POSTN: variants seen among roughly 807,000 people sequenced by gnomAD.
POSTN encodes osteoblast specific factor 2 (fasciclin I-like).
Under a neutral mutation model 104.5 loss-of-function variants are expected in POSTN, and 71 were observed. The ratio of observed to expected loss-of-function variants is 0.68; its 90% CI spans 0.56 to 0.83. The LOEUF (loss-of-function observed/expected upper bound fraction) is 0.83, where lower values mean the gene tolerates loss of function less well. Ranked by LOEUF, POSTN falls within the 40% of genes least tolerant of loss-of-function variation. The pLI is 0.00. For missense variants in POSTN, 949 were observed against 1,006.8 expected (o/e 0.94, Z 0.78); for synonymous variants, 355 against 340.7 (o/e 1.04, Z -0.46).
intron 5 of POSTN, among the ~76,000 whole-genome samples, 199 bp downstream of exon 5, chr13:37,587,623 T>C (rs893970585): frequency 6.6e-6 from 1 of 152,194 alleles, no homozygotes; most frequent in African/African-American, 2.4e-5. Flanking sequence ...ATGTAATTTG[T>C]CCTTTACAAT....
chr13:37,579,222 AAC>A lies in POSTN; in HGVS notation c.1791+5_1791+6del. On this transcript the variant is annotated splice_donor_5th_base_variant and intron_variant, in intron 13 of 22. Transcript: ENST00000379747. ...ACACTATCATAAATTCATTCTAGAC[AAC>A]TTACTTCTTTCAGAAAGATTTTGCT... 6.2e-7 allele frequency: 1 copy of A among 1,610,234 alleles called. No individual in the cohort carries two copies.
intron 2 of POSTN, among the ~76,000 whole-genome samples, chr13:37,596,919 T>C (rs1951101664): frequency 6.6e-6 from 1 of 152,192 alleles, no homozygotes; most frequent in African/African-American, 2.4e-5. Context: ...ACACGGATTC[T>C]ATACCCAATC....
chr13:37,565,636 A>C (rs1950075615), intron 21 of POSTN: 1 of 152,082 alleles, frequency 6.6e-6, no homozygotes, highest in Non-Finnish European at 1.5e-5. Flanking sequence ...GCACATTTTC[A>C]CATTTCTTTC....
At chr13:37,572,376 G>A (rs1373547435) in intron 17 of POSTN, among the ~76,000 whole-genome samples, 3 of 151,536 alleles carry the variant, frequency 2.0e-5, no homozygotes, top group East Asian at 1.9e-4. Context: ...TAAAAGTAAA[G>A]TTTTTTGAAA....
intron 2 of POSTN, among the ~76,000 whole-genome samples, chr13:37,596,101 C>T (rs1214199684): frequency 6.6e-6 from 1 of 152,060 alleles, no homozygotes; most frequent in Non-Finnish European, 1.5e-5. Context: ...CCACTCCTGG[C>T]CCATGTTTAG....
intron 4 of POSTN, 135 bp from the exon 5 acceptor site, chr13:37,588,121 C>A: frequency 1.4e-6 from 1 of 715,058 alleles, no homozygotes; most frequent in East Asian, 2.9e-5. Context: ...ACATAAATAA[C>A]TTAAAATTAT....
chr13:37,592,391 C>CG (rs1950963393), intron 2 of POSTN, among the ~76,000 whole-genome samples: 1 of 152,074 alleles, frequency 6.6e-6, no homozygotes, highest in Non-Finnish European at 1.5e-5. Context: ...CTCCGCCTCT[C>CG]GGGTTCACGC....
At chr13:37,564,459 A>G in intron 22 of POSTN, 60 bp downstream of exon 22, 1 of 881,970 alleles carries the variant, frequency 1.1e-6, no homozygotes, top group East Asian at 2.7e-5. Flanking sequence ...CTATTGTTTG[A>G]TTTCTCTTCA....
chr13:37,579,542 A>G (rs1049049690), intron 12 of POSTN, among the ~76,000 whole-genome samples, 183 bp from the exon 13 acceptor site: 2 of 152,252 alleles, frequency 1.3e-5, no homozygotes, highest in Admixed American at 1.3e-4. Context: ...TAATCAAAAT[A>G]GAACCCAACT....
chr13:37,579,111 G>T lies in POSTN; in HGVS notation c.1802C>A (p.Thr601Lys). 6.2e-7 allele frequency: 1 copy of T among 1,612,440 alleles called. No homozygotes were observed. Residue 601 changes from threonine (T) to lysine (K), a missense_variant, in exon 14 of 23, where the codon ACA (threonine) becomes AAA (lysine). By Grantham distance (78) the Thr-to-Lys change is moderately conservative. Transcript: ENST00000379747. ...TGATTTCAATTCATTCACCAGAAGTGTATCATTTACCTATCAAAATAGGAG... is the reference window on the plus strand; with the variant it reads ...TGATTTCAATTCATTCACCAGAAGTTTATCATTTACCTATCAAAATAGGAG... ...SKIFLKEVND[T>K]LLVNELKSKE...
At chr13:37,580,721 G>A in intron 10 of POSTN, 24 bp from the exon 11 acceptor site, 1 of 1,613,230 alleles carries the variant, frequency 6.2e-7, no homozygotes, top group Non-Finnish European at 8.5e-7. Context: ...GAAAGGTATG[G>A]GGTGTCATTT....
Position 37,570,592 on chromosome 13 carries a change from G to GTTC in POSTN, c.2254_2256dup (p.Glu752dup), listed in dbSNP as rs1950235476. On this transcript the variant is annotated inframe_insertion, in exon 19 of 23. Coordinates refer to ENST00000379747, the MANE Select transcript of POSTN (RefSeq NM_006475.3). ...AATTAATGGCTACCTGTAATGATTCGTTCTTCTCGTGTCTCTTTTTCAGTT... is the reference window on the plus strand; with the variant it reads ...AATTAATGGCTACCTGTAATGATTCGTTCTTCTTCTCGTGTCTCTTTTTCAGTT... The GTTC allele has an allele frequency of 6.3e-7, 1 of 1,597,038 alleles. No individual in the cohort carries two copies. Among genetic ancestry groups the GTTC allele is most frequent in the Admixed American group, 1.7e-5 (1 of 59,872 alleles).
chr13:37,584,923 T>C lies in POSTN; in HGVS notation c.901A>G (p.Met301Val). Residue 301 changes from methionine (M) to valine (V), a missense_variant, in exon 8 of 23, where the codon ATG becomes GTG. Coordinates refer to ENST00000379747, the MANE Select transcript of POSTN (RefSeq NM_006475.3). ...MGDKVASEAL[M>V]KYHILNTLQC... Reference sequence around the variant, plus strand: ...AGAGTATTTAAGATGTGGTACTTCATAAGAGCTGGAGAACACAATAAAAAC... The same window carrying C: ...AGAGTATTTAAGATGTGGTACTTCACAAGAGCTGGAGAACACAATAAAAAC... The C allele has an allele frequency of 6.2e-7, 1 of 1,613,610 alleles. No individual in the cohort carries two copies. Among genetic ancestry groups the C allele is most frequent in the Non-Finnish European group, 8.5e-7 (1 of 1,179,862 alleles).
intron 19 of POSTN, among the ~76,000 whole-genome samples, chr13:37,570,100 C>T (rs115714760): frequency 2.6e-5 from 4 of 151,796 alleles, no homozygotes; most frequent in Admixed American, 2.0e-4. Flanking sequence ...TAAGGATTTT[C>T]GGCGAATTTT....
intron 2 of POSTN, among the ~76,000 whole-genome samples, chr13:37,596,105 T>C (rs1276603230): frequency 6.6e-6 from 1 of 152,128 alleles, no homozygotes; most frequent in Admixed American, 6.5e-5. Context: ...TCCTGGCCCA[T>C]GTTTAGGATT....
rs748096412 is a variant in POSTN, at chr13:37,571,409, C to T, written c.2139G>A (p.Leu713=). ...VKIEGEPEFR[L]IKEGETITEV... The stretch of plus-strand genomic sequence containing the variant: ...CAGTTATTGTTTCACCTTCTTTAAT[C>T]AGTCTGAATTCAGGTTCACCTTCAA... The change falls in exon 18 of 23, where the codon CTG becomes CTA. Residue 713 remains leucine (L), a synonymous_variant. Transcript: ENST00000379747. 6.2e-7 allele frequency: 1 copy of T among 1,610,484 alleles called. No individual in the cohort carries two copies. The highest frequency in any genetic ancestry group is 1.6e-4 in the Middle Eastern group (1 of 6,070).
At chr13:37,594,659 A>G (rs2138399571) in intron 2 of POSTN, among the ~76,000 whole-genome samples, 1 of 152,300 alleles carries the variant, frequency 6.6e-6, no homozygotes. Context: ...AGAATACTAT[A>G]TTACTAGACC....
chr13:37,575,290 T>G (rs1282856936), intron 16 of POSTN, among the ~76,000 whole-genome samples: 1 of 151,686 alleles, frequency 6.6e-6, no homozygotes, highest in Non-Finnish European at 1.5e-5. Context: ...TTTTTTTTTT[T>G]AATTTAAAGG....
chr13:37,584,066 G>T lies in POSTN; in HGVS notation c.1146C>A (p.Thr382=). 6.2e-7 allele frequency: 1 copy of T among 1,613,844 alleles called. No homozygotes were observed. The highest frequency in any genetic ancestry group is 8.5e-7 in the Non-Finnish European group (1 of 1,179,916). The change falls in exon 9 of 23, where the codon ACC becomes ACA. Residue 382 remains threonine (T), a synonymous_variant. Transcript: ENST00000379747. ...ATTGGGCCACAAGATCCGTGAAGGT[G>T]GTTTGCTGTTTTCCAGCCAGCTCAA... ...QVIELAGKQQ[T]TFTDLVAQLG...
Sources: gnomAD v4.1 joint callset for allele counts (sites outside exome capture counted in the v4.1 genomes callset) on GRCh38, gnomAD v4.1.1 for gene constraint, MANE v1.5 for transcripts, NCBI Gene and HGNC (gene_info 2026-07-23, HGNC 2026-07-21) for gene names.